The following PDS5B variants were observed in gnomAD, a reference collection of about 807,000 sequenced individuals.
PDS5B encodes sister chromatid cohesion protein PDS5 homolog B.
Under a neutral mutation model 184.1 loss-of-function variants are expected in PDS5B, and 51 were observed. That is an observed-to-expected ratio of 0.28 (90% CI 0.22 to 0.35). PDS5B has a LOEUF of 0.35. PDS5B is among the 10% of genes least tolerant of loss of function. The pLI, the probability that PDS5B is intolerant of heterozygous loss-of-function variation, is 1.00. For synonymous variants in PDS5B, 566 were observed against 569.2 expected (o/e 0.99, Z 0.08); for missense variants, 1,180 against 1,723.3 (o/e 0.68, Z 5.58).
At chr13:32,588,547 CTTTTTTCT>C (rs1365262396) in intron 1 of PDS5B, among the ~76,000 whole-genome samples, 1 of 152,038 alleles carries the variant, frequency 6.6e-6, no homozygotes, top group African/African-American at 2.4e-5. Context: ...TTGTCTTGGC[CTTTTTTCT>C]TTTTTTCTTT....
At chr13:32,707,087 A>T (rs1288854362) in intron 18 of PDS5B, 48 bp downstream of exon 18, 1 of 975,258 alleles carries the variant, frequency 1.0e-6, no homozygotes, top group Non-Finnish European at 1.6e-6. Flanking sequence ...TCTGTTTAAC[A>T]TATACAGTTT....
intron 1 of PDS5B, among the ~76,000 whole-genome samples, chr13:32,643,339 T>C (rs1441669885): frequency 1.3e-5 from 2 of 152,176 alleles, no homozygotes; most frequent in Non-Finnish European, 2.9e-5. Context: ...TTTTATCATA[T>C]TCTAAAAGCT....
chr13:32,738,894 A>C (rs1849865522), intron 21 of PDS5B, among the ~76,000 whole-genome samples: 2 of 151,518 alleles, frequency 1.3e-5, no homozygotes, highest in African/African-American at 4.9e-5. Flanking sequence ...CTGGTCTCCA[A>C]CTCCTGAACT....
chr13:32,711,804 T>C, intron 19 of PDS5B, among the ~76,000 whole-genome samples: 1 of 152,254 alleles, frequency 6.6e-6, no homozygotes, highest in Non-Finnish European at 1.5e-5. Flanking sequence ...ATGTAGTACG[T>C]ATACATACCC....
At chr13:32,636,577 A>G (rs2058563906) in intron 1 of PDS5B, among the ~76,000 whole-genome samples, 1 of 152,232 alleles carries the variant, frequency 6.6e-6, no homozygotes, top group Non-Finnish European at 1.5e-5. Flanking sequence ...TAACTTTAGC[A>G]TAGTTATTTA....
In PDS5B at chr13:32,758,599, G is replaced by A. The variant is rs772331390; in HGVS notation, c.3255G>A (p.Leu1085=). 1 of 1,612,730 alleles carries A rather than the reference G, an allele frequency of 6.2e-7. No individual in the cohort carries two copies. Among genetic ancestry groups the A allele is most frequent in the Non-Finnish European group, 8.5e-7 (1 of 1,178,862 alleles). The part of the protein sequence containing the change: ...IIMSKSTTYS[L]ESPKDPVLPA... ...TGTCAAAGAGTACTACATACAGTTTGGAATCTCCTAAAGACCCGGTACTAC... is the reference window on the plus strand; with the variant it reads ...TGTCAAAGAGTACTACATACAGTTTAGAATCTCCTAAAGACCCGGTACTAC... The change falls in exon 28 of 35, where the codon TTG becomes TTA. Residue 1085 remains leucine (L), a synonymous_variant. Coordinates refer to ENST00000315596, the MANE Select transcript of PDS5B (RefSeq NM_015032.4).
chr13:32,770,307 A>C lies in PDS5B; in HGVS notation c.3811A>C (p.Lys1271Gln). The change falls in exon 32 of 35, where the codon AAA becomes CAA. Residue 1271 changes from lysine (K) to glutamine (Q), a missense_variant. Coordinates refer to ENST00000315596, the MANE Select transcript of PDS5B (RefSeq NM_015032.4). The part of the protein sequence containing the change: ...EQQWPEEKRL[K>Q]EDILENEDEQ... ...GCAGTGGCCTGAGGAAAAGAGGCTCAAAGAAGATATATTAGAAAATGAAGA... is the reference window on the plus strand; with the variant it reads ...GCAGTGGCCTGAGGAAAAGAGGCTCCAAGAAGATATATTAGAAAATGAAGA... 2 of 1,614,078 alleles carry C rather than the reference A, an allele frequency of 1.2e-6. No individual in the cohort carries two copies. The highest frequency in any genetic ancestry group is 2.2e-5 in the East Asian group (1 of 44,862).
chr13:32,606,345 T>G (rs950367188), intron 1 of PDS5B, among the ~76,000 whole-genome samples: 3 of 152,222 alleles, frequency 2.0e-5, no homozygotes, highest in Admixed American at 6.5e-5. Flanking sequence ...TGGCTGGATA[T>G]GAAATTCTGG....
intron 1 of PDS5B, among the ~76,000 whole-genome samples, chr13:32,602,987 G>T (rs1450008782): frequency 1.3e-5 from 2 of 152,160 alleles, no homozygotes; most frequent in East Asian, 1.9e-4. Context: ...GTAGATTCTG[G>T]ATATTAGCCC....
intron 1 of PDS5B, among the ~76,000 whole-genome samples, chr13:32,617,235 G>A (rs977289198): frequency 3.3e-5 from 5 of 152,122 alleles, no homozygotes; most frequent in Non-Finnish European, 7.4e-5. Context: ...AATCTAGGGT[G>A]ATGAAATTAT....
Position 32,683,870 on chromosome 13 carries a change from T to C in PDS5B, c.1058-8T>C, listed in dbSNP as rs1951316359. On this transcript the variant is annotated splice_region_variant and splice_polypyrimidine_tract_variant and intron_variant, in intron 10 of 34. Transcript: ENST00000315596. ...AAATTTCCACTGTAATAAAATGTTA[T>C]CTTTCAGAGTATCTTAAAGTGAGGT... 2 of 1,567,838 alleles carry C rather than the reference T, an allele frequency of 1.3e-6. No individual in the cohort carries two copies. Among genetic ancestry groups the C allele is most frequent in the African/African-American group, 2.7e-5 (2 of 73,552 alleles).
chr13:32,711,713 A>G (rs572323327), intron 19 of PDS5B, among the ~76,000 whole-genome samples: 25 of 152,160 alleles, frequency 1.6e-4, no homozygotes, highest in African/African-American at 5.3e-4. Context: ...GGATGGTGCT[A>G]TGGCTCTCCT....
chr13:32,676,738 T>C (rs567560772), intron 9 of PDS5B, among the ~76,000 whole-genome samples: 50 of 152,146 alleles, frequency 3.3e-4, no homozygotes, highest in African/African-American at 1.1e-3. Flanking sequence ...GAGACCATCC[T>C]GGCTAACACG....
intron 22 of PDS5B, 44 bp downstream of exon 22, chr13:32,741,192 C>A: frequency 1.0e-6 from 1 of 996,794 alleles, no homozygotes; most frequent in Non-Finnish European, 1.5e-6. Flanking sequence ...ATAATCACCA[C>A]ATTGTAATAT....
chr13:32,664,927 T>C (rs1450101951), intron 6 of PDS5B, among the ~76,000 whole-genome samples: 2 of 152,072 alleles, frequency 1.3e-5, no homozygotes, highest in East Asian at 3.9e-4. Context: ...AATCTAAAAC[T>C]GATGTGAAAG....
chr13:32,724,626 G>A (rs879869098), intron 19 of PDS5B, among the ~76,000 whole-genome samples: 102 of 152,198 alleles, frequency 6.7e-4, no homozygotes, highest in African/African-American at 2.0e-3. Context: ...CTGTTGCCCA[G>A]GCTAGAGTGC....
intron 7 of PDS5B, among the ~76,000 whole-genome samples, chr13:32,670,096 T>C (rs1385554026): frequency 6.6e-6 from 1 of 152,074 alleles, no homozygotes; most frequent in African/African-American, 2.4e-5. Context: ...TTCTCTCTTC[T>C]GTTTTTCTTT....
intron 1 of PDS5B, among the ~76,000 whole-genome samples, chr13:32,594,883 A>C (rs1421424704): frequency 6.6e-6 from 1 of 152,136 alleles, no homozygotes. Context: ...TCGTTTTGAT[A>C]TAGTTGCTTT....
At chr13:32,614,533 A>T (rs189077631) in intron 1 of PDS5B, among the ~76,000 whole-genome samples, 81 of 152,202 alleles carry the variant, frequency 5.3e-4, no homozygotes, top group African/African-American at 1.9e-3. Context: ...CCTGACCTCA[A>T]GTGAGCTGCC....
Sources: allele counts gnomAD v4.1 joint callset (sites outside exome capture counted in the v4.1 genomes callset), GRCh38; gene constraint gnomAD v4.1.1; transcripts MANE v1.5; gene names NCBI Gene and HGNC (gene_info 2026-07-23, HGNC 2026-07-21).